SIDT2: variants seen among roughly 807,000 people sequenced by gnomAD.
SIDT2 encodes the protein SID1 transmembrane family member 2.
Under a neutral mutation model 114.4 loss-of-function variants are expected in SIDT2, and 68 were observed. That is an observed-to-expected ratio of 0.59 (90% CI 0.49 to 0.73). SIDT2 has a LOEUF of 0.73. Ranked by LOEUF, SIDT2 falls within the 30% of genes least tolerant of loss-of-function variation. The pLI is 0.00. For synonymous variants in SIDT2, 470 were observed against 438.4 expected (o/e 1.07, Z -0.90); for missense variants, 918 against 1,097.1 (o/e 0.84, Z 2.31).
chr11:117,193,967 A>G lies in SIDT2; in HGVS notation c.2322+4A>G. 1 of 1,612,312 alleles carries G rather than the reference A, an allele frequency of 6.2e-7. No homozygotes were observed. The highest frequency in any genetic ancestry group is 8.5e-7 in the Non-Finnish European group (1 of 1,178,516). On this transcript the variant is annotated splice_donor_region_variant and intron_variant, in intron 24 of 25. Coordinates refer to ENST00000324225, the MANE Select transcript of SIDT2 (RefSeq NM_001040455.2). ...CCAGGGACTCAGCACCTGGCAGGTG[A>G]GCACTCACCCTCAGGCTCCTTGTGA...
Position 117,186,645 on chromosome 11 carries a change from AGG to A in SIDT2, c.1015+13_1015+14del. 1 of 1,409,856 alleles carries A rather than the reference AGG, an allele frequency of 7.1e-7. No individual in the cohort carries two copies. The highest frequency in any genetic ancestry group is 9.3e-7 in the Non-Finnish European group (1 of 1,070,686). 87.3% of individuals were successfully genotyped at this position (1,409,856 alleles called of 1,614,324 possible). Reference sequence around the variant, plus strand: ...AGCCTGCCCAGAAAGCGGTACCTCCAGGGGGCCTGGGTGGGGCGGGCACAGTG... The same window carrying A: ...AGCCTGCCCAGAAAGCGGTACCTCCAGGGCCTGGGTGGGGCGGGCACAGTG... On this transcript the variant is annotated intron_variant, in intron 10 of 25. Coordinates refer to ENST00000324225, the MANE Select transcript of SIDT2 (RefSeq NM_001040455.2).
At position 117,190,691 on chromosome 11, in the gene SIDT2, G is replaced by A. The variant is rs146123386; in HGVS notation, c.1686G>A (p.Leu562=). The change falls in exon 18 of 26, where the codon CTG becomes CTA. Residue 562 remains leucine (L), a synonymous_variant. Transcript: ENST00000324225. This position sits in a 1 kb window ranked among gnomAD's most constrained non-coding sequence, Gnocchi z 4.1. ...AMGTALMMEG[L]LSACYHVCPN... ...GCACAGCCCTGATGATGGAGGGGCTGCTCAGTGCTTGCTATCATGTGTGCC... is the reference window on the plus strand; with the variant it reads ...GCACAGCCCTGATGATGGAGGGGCTACTCAGTGCTTGCTATCATGTGTGCC... 10 of 1,613,476 alleles carry A rather than the reference G, an allele frequency of 6.2e-6. No homozygotes were observed. Among genetic ancestry groups the A allele is most frequent in the Non-Finnish European group, 7.6e-6 (9 of 1,179,810 alleles).
At position 117,178,793 on chromosome 11, in the gene SIDT2, C is replaced by T. The variant is rs2030127213; in HGVS notation, c.-471C>T. Reference sequence around the variant, plus strand: ...TCCGCCCGCCCTTAAAGGGCCCGCACCTCGGAAAACTCGCAGCCCAGCACG... The same window carrying T: ...TCCGCCCGCCCTTAAAGGGCCCGCATCTCGGAAAACTCGCAGCCCAGCACG... On this transcript the variant is annotated 5_prime_UTR_variant, in exon 1 of 26. Coordinates refer to ENST00000324225, the MANE Select transcript of SIDT2 (RefSeq NM_001040455.2). 1 of 162,292 alleles carries T rather than the reference C, an allele frequency of 6.2e-6. No homozygotes were observed. Among genetic ancestry groups the T allele is most frequent in the Non-Finnish European group, 1.4e-5 (1 of 73,902 alleles). The allele number at this position is 162,292 out of a possible 1,614,324, so 10.1% of individuals were successfully genotyped here.
Position 117,179,133 on chromosome 11 carries a change from C to A in SIDT2, c.-131C>A. ...GAGGGGACATTTCCTAATCTCAGGC[C>A]GGGGTTAAAGTTCTGGTCCTGGTGA... On this transcript the variant is annotated 5_prime_UTR_variant, in exon 1 of 26. Coordinates refer to ENST00000324225, the MANE Select transcript of SIDT2 (RefSeq NM_001040455.2). 1.2e-6 allele frequency: 1 copy of A among 848,254 alleles called. No homozygotes were observed. Among genetic ancestry groups the A allele is most frequent in the Non-Finnish European group, 1.8e-6 (1 of 559,320 alleles). 52.5% of individuals were successfully genotyped at this position (848,254 alleles called of 1,614,324 possible).
At position 117,189,363 on chromosome 11, in the gene SIDT2, G is replaced by C; in HGVS notation, c.1381G>C (p.Ala461Pro). Reference protein sequence around the residue: ...WNIATIAVFYALPVVQLVITY... With the variant: ...WNIATIAVFYPLPVVQLVITY... ...CATTGCCACCATTGCTGTCTTCTAT[G>C]CCCTTCCTGTGGTGCAGCTGGTGAT... is the stretch of plus-strand genomic sequence containing the variant. Residue 461 changes from alanine (A) to proline (P), a missense_variant, in exon 15 of 26, where the codon GCC becomes CCC. Coordinates refer to ENST00000324225, the MANE Select transcript of SIDT2 (RefSeq NM_001040455.2). 1 of 1,614,132 alleles carries C rather than the reference G, an allele frequency of 6.2e-7. No individual in the cohort carries two copies.
At chr11:117,180,791 C>T (rs1186104579) in intron 1 of SIDT2, among the ~76,000 whole-genome samples, 2 of 152,146 alleles carry the variant, frequency 1.3e-5, no homozygotes, top group African/African-American at 4.8e-5. Flanking sequence ...CTGCCTTGGC[C>T]TCCCAAAGTG....
intron 24 of SIDT2, chr11:117,194,205 C>T: frequency 2.6e-6 from 1 of 387,366 alleles, no homozygotes. Context: ...GTCCTAGCTA[C>T]CTCGGAAGCG....
At chr11:117,191,063 G>T (rs1450758633) in intron 18 of SIDT2, 1 of 188,644 alleles carries the variant, frequency 5.3e-6, no homozygotes, top group East Asian at 1.4e-4. Flanking sequence ...GGATCACGAG[G>T]TCAGGAGCTC....
intron 12 of SIDT2, 89 bp downstream of exon 12, chr11:117,187,788 G>C (rs1345748666): frequency 2.3e-6 from 3 of 1,291,746 alleles, no homozygotes; most frequent in Non-Finnish European, 3.4e-6. Flanking sequence ...TCTTCTGCCA[G>C]ATGCTGGAAC....
chr11:117,191,895 A>G lies in SIDT2; in HGVS notation c.1753A>G (p.Met585Val), dbSNP rs887908902. Residue 585 changes from methionine to valine, a missense_variant, in exon 19 of 26, where the codon ATG (methionine) becomes GTG (valine). This residue lies in a region of SIDT2 where 275 missense variants were observed against 397.6 expected (regional missense o/e 0.69). Transcript: ENST00000324225. ...CATCCTAGACACATCGTTCATGTAC[A>G]TGATCGCCGGACTCTGCATGCTGAA... ...NFQFDTSFMY[M>V]IAGLCMLKLY... The G allele has an allele frequency of 2.5e-6, 4 of 1,614,042 alleles. No homozygotes were observed. The Admixed American group carries it at 5.0e-5, about 20-fold the overall frequency.
Position 117,190,309 on chromosome 11 carries a change from C to T in SIDT2, c.1617+20C>T, listed in dbSNP as rs773555873. On this transcript the variant is annotated intron_variant, in intron 17 of 25. Transcript: ENST00000324225. The surrounding 1 kb of genome is among the most constrained non-coding windows in gnomAD (Gnocchi z 4.1). ...GCCCTGGTAAGGGAGCACCTGCCTG[C>T]CTGCCGCAGCCTCAGCTCCAGCACA... 17 of 1,524,996 alleles carry T rather than the reference C, an allele frequency of 1.1e-5. No individual in the cohort carries two copies. The Admixed American group carries it at 1.3e-4, about 12-fold the overall frequency. 94.5% of individuals were successfully genotyped at this position (1,524,996 alleles called of 1,614,324 possible). A position where few individuals can be genotyped will look rare whatever the true frequency, so the allele number is the denominator to read the frequency against.
intron 7 of SIDT2, 22 bp downstream of exon 7, chr11:117,183,900 TG>T (rs755773355): frequency 1.3e-6 from 2 of 1,577,894 alleles, no homozygotes; most frequent in South Asian, 2.2e-5. Flanking sequence ...GCCCTGGGCC[TG>T]GCTAGGGATG....
chr11:117,189,729 G>C, intron 15 of SIDT2: 1 of 602,594 alleles, frequency 1.7e-6, no homozygotes, highest in Non-Finnish European at 2.9e-6. Context: ...CTTCCATCAC[G>C]GTCATGCCTC....
chr11:117,192,798 C>G lies in SIDT2; in HGVS notation c.2059-22C>G. 1 of 1,614,078 alleles carries G rather than the reference C, an allele frequency of 6.2e-7. No individual in the cohort carries two copies. The highest frequency in any genetic ancestry group is 8.5e-7 in the Non-Finnish European group (1 of 1,179,958). The stretch of plus-strand genomic sequence containing the variant: ...CCCTCCCTGCCCCTGCCCTCAGTCC[C>G]TGTGTCCCTGCTTCCCTCCAGGACC... On this transcript the variant is annotated intron_variant, in intron 21 of 25. Coordinates refer to ENST00000324225, the MANE Select transcript of SIDT2 (RefSeq NM_001040455.2). The surrounding 1 kb of genome is among the most constrained non-coding windows in gnomAD (Gnocchi z 5.9).
In SIDT2 at chr11:117,192,274, G is replaced by A. The variant is rs771848928; in HGVS notation, c.1893G>A (p.Thr631=). The A allele has an allele frequency of 6.2e-6, 10 of 1,610,910 alleles. No homozygotes were observed. The highest frequency in any genetic ancestry group is 3.3e-5 in the South Asian group (3 of 91,010). ...VLGVVFGKGN[T]AFWIVFSIIH... ...GACAGGTCTTTGGCAAAGGGAACAC[G>A]GCGTTCTGGATCGTCTTCTCCATCA... The change falls in exon 20 of 26, where the codon ACG becomes ACA. Residue 631 remains threonine, a synonymous_variant. Transcript: ENST00000324225. This position sits in a 1 kb window ranked among gnomAD's most constrained non-coding sequence, Gnocchi z 5.9.
In SIDT2 at chr11:117,192,529, G is replaced by T; in HGVS notation, c.1982-45G>T. On this transcript the variant is annotated intron_variant, in intron 20 of 25. Transcript: ENST00000324225. This position sits in a 1 kb window ranked among gnomAD's most constrained non-coding sequence, Gnocchi z 5.9. ...TGGCACATCCCAGGGGTCCAGCAAA[G>T]GAGGGTGCCCCGTGCCTGTCAGCAC... 1 of 1,601,090 alleles carries T rather than the reference G, an allele frequency of 6.2e-7. No homozygotes were observed. The highest frequency in any genetic ancestry group is 8.5e-7 in the Non-Finnish European group (1 of 1,177,504).
chr11:117,183,607 C>T (rs2030383470), intron 6 of SIDT2, among the ~76,000 whole-genome samples, 172 bp from the exon 7 acceptor site: 1 of 151,126 alleles, frequency 6.6e-6, no homozygotes, highest in Non-Finnish European at 1.5e-5. Context: ...CATGGCACTC[C>T]AGCCTAGGCA....
At chr11:117,180,576 C>T (rs997499769) in intron 1 of SIDT2, among the ~76,000 whole-genome samples, 3 of 141,750 alleles carry the variant, frequency 2.1e-5, no homozygotes, top group Non-Finnish European at 3.0e-5. Context: ...CACTCTGTTG[C>T]CCAGGCTGAA....
intron 24 of SIDT2, chr11:117,194,274 T>C (rs896605753): frequency 1.6e-5 from 4 of 252,128 alleles, no homozygotes; most frequent in South Asian, 6.2e-5. Context: ...GATTGCACCA[T>C]TGCACTCTAG....
Sources: gnomAD v4.1 joint callset for allele counts (sites outside exome capture counted in the v4.1 genomes callset) on GRCh38, gnomAD v4.1.1 for gene constraint, gnomAD v4.1.1 regional missense constraint, Gnocchi (gnomAD v3.1) non-coding constraint, MANE v1.5 for transcripts, NCBI Gene and HGNC (gene_info 2026-07-23, HGNC 2026-07-21) for gene names.